RBFOX1: variants seen among roughly 807,000 people sequenced by gnomAD.
RBFOX1 encodes the protein RNA binding protein fox-1 homolog 1.
Under a neutral mutation model 57.7 loss-of-function variants are expected in RBFOX1, and 8 were observed. The observed-to-expected ratio is 0.14, with a 90% CI of 0.08 to 0.25. The LOEUF is 0.25. Ranked by LOEUF, RBFOX1 falls within the 10% of genes least tolerant of loss-of-function variation. The probability of loss-of-function intolerance (pLI) is 1.00; values close to 1 mark genes in which losing one functional copy is unlikely to be tolerated. For missense variants in RBFOX1, 611 were observed against 548.5 expected, an observed-to-expected ratio of 1.11 and a Z score of -1.14; for synonymous variants, 326 against 222.4, an observed-to-expected ratio of 1.47 and a Z score of -4.15.
chr16:5,608,937 A>T (rs753397440), intron 3 of RBFOX1, among the ~76,000 whole-genome samples: 1 of 152,220 alleles, frequency 6.6e-6, no homozygotes, highest in Non-Finnish European at 1.5e-5. Flanking sequence ...TACCCTTTAC[A>T]GAAATGGTCA....
intron 3 of RBFOX1, among the ~76,000 whole-genome samples, chr16:5,712,035 T>A (rs1174585393): frequency 6.6e-6 from 1 of 152,176 alleles, no homozygotes; most frequent in Non-Finnish European, 1.5e-5. Context: ...ACAATTATGA[T>A]GGAAGGGAAA....
chr16:6,933,938 C>T (rs571275566), intron 3 of RBFOX1, among the ~76,000 whole-genome samples: 1 of 152,246 alleles, frequency 6.6e-6, no homozygotes, highest in South Asian at 2.1e-4. Flanking sequence ...AAAACAACAA[C>T]ATGGTATTGA....
intron 1 of RBFOX1, among the ~76,000 whole-genome samples, chr16:6,099,805 C>A (rs2096283110): frequency 6.6e-6 from 1 of 152,310 alleles, no homozygotes; most frequent in Middle Eastern, 3.4e-3. Flanking sequence ...CTCCGGGCAT[C>A]CTTCCCTTTT....
At chr16:5,915,574 C>G (rs755275405) in intron 4 of RBFOX1, among the ~76,000 whole-genome samples, 9 of 152,050 alleles carry the variant, frequency 5.9e-5, no homozygotes, top group Non-Finnish European at 1.2e-4. Context: ...GCTCATGCCT[C>G]TAATCCCAGC....
chr16:6,206,268 C>G (rs946376623), intron 1 of RBFOX1, among the ~76,000 whole-genome samples: 3 of 152,010 alleles, frequency 2.0e-5, no homozygotes, highest in Non-Finnish European at 4.4e-5. Flanking sequence ...GTTGTGTGTG[C>G]TGTTCCTGTT....
At chr16:6,921,257 A>C (rs138146144) in intron 3 of RBFOX1, among the ~76,000 whole-genome samples, 3 of 152,318 alleles carry the variant, frequency 2.0e-5, no homozygotes, top group Admixed American at 6.5e-5. Context: ...TTGTTTTCTC[A>C]CAATGTCTAT....
chr16:5,905,053 T>C (rs2152191785), intron 4 of RBFOX1, among the ~76,000 whole-genome samples: 1 of 140,884 alleles, frequency 7.1e-6, no homozygotes, highest in East Asian at 2.2e-4. Flanking sequence ...TATGACTCCA[T>C]ATGACTGGTG....
intron 3 of RBFOX1, among the ~76,000 whole-genome samples, chr16:5,739,776 C>G (rs919008886): frequency 2.6e-5 from 4 of 152,266 alleles, no homozygotes; most frequent in African/African-American, 9.6e-5. Context: ...AGGGGAGCCA[C>G]TGCCCCACGT....
At chr16:7,013,161 G>T (rs2093732302) in intron 3 of RBFOX1, among the ~76,000 whole-genome samples, 1 of 152,202 alleles carries the variant, frequency 6.6e-6, no homozygotes, top group African/African-American at 2.4e-5. Flanking sequence ...AATTTGTGGT[G>T]TAATGCTCTG....
In RBFOX1 at chr16:6,966,833, A is replaced by G. The variant is rs374435330; in HGVS notation, c.-15-85224A>G. On this transcript the variant is annotated intron_variant, in intron 3 of 15. Coordinates refer to ENST00000550418, the MANE Select transcript of RBFOX1 (RefSeq NM_018723.4). ...TGTCTGTCTGTCTATCTATCTGTCTATCTATCTATCCATCCATCTATCCAC... is the reference window on the plus strand; with the variant it reads ...TGTCTGTCTGTCTATCTATCTGTCTGTCTATCTATCCATCCATCTATCCAC... Among the ~76,000 whole-genome samples the G allele has an allele frequency of 5.4e-3, 753 of 140,194 alleles. 4 individuals carry two copies. The highest frequency in any genetic ancestry group is 0.016 in the African/African-American group (597 of 36,664). The allele number at this position is 140,194 out of a possible 152,430, so 92.0% of individuals were successfully genotyped here.
intron 2 of RBFOX1, among the ~76,000 whole-genome samples, chr16:5,560,433 C>T (rs927665278): frequency 4.6e-5 from 7 of 152,078 alleles, no homozygotes; most frequent in African/African-American, 1.7e-4. Flanking sequence ...GGCTTCTCCC[C>T]GCACTCCGGT....
At chr16:6,584,605 A>G (rs1349875727) in intron 2 of RBFOX1, among the ~76,000 whole-genome samples, 1 of 151,784 alleles carries the variant, frequency 6.6e-6, no homozygotes, top group Non-Finnish European at 1.5e-5. Context: ...CTCACCTCAA[A>G]TGATCCACCT....
intron 1 of RBFOX1, among the ~76,000 whole-genome samples, chr16:5,412,868 A>G (rs1248913869): frequency 6.6e-6 from 1 of 152,160 alleles, no homozygotes; most frequent in East Asian, 1.9e-4. Flanking sequence ...TGAGCAGACA[A>G]CTGTGAGCAA....
rs112039178 is a variant in RBFOX1 at position 6,594,850 on chromosome 16, G to C, written c.-63-59753G>C. ...GTCGCCCAGGCTGGAGTGCAGTGGC[G>C]TGATCTCAGCTAACTGTAACCTCCG... On this transcript the variant is annotated intron_variant, in intron 2 of 15. Coordinates refer to ENST00000550418, the MANE Select transcript of RBFOX1 (RefSeq NM_018723.4). Among the ~76,000 whole-genome samples, 4 of 152,256 alleles carry C rather than the reference G, an allele frequency of 2.6e-5. No homozygotes were observed. The East Asian group carries it at 5.8e-4, about 22-fold the overall frequency.
chr16:7,479,251 G>T (rs1382133875), intron 4 of RBFOX1, among the ~76,000 whole-genome samples: 1 of 151,788 alleles, frequency 6.6e-6, no homozygotes, highest in African/African-American at 2.4e-5. Flanking sequence ...AGCCTCCCGA[G>T]TCGCTGGGAT....
chr16:7,429,123 T>A (rs1016695716), intron 4 of RBFOX1, among the ~76,000 whole-genome samples: 7 of 152,164 alleles, frequency 4.6e-5, no homozygotes, highest in Non-Finnish European at 8.8e-5. Context: ...TCGAGCGGCA[T>A]AAGGCTTTTC....
At chr16:6,824,239 C>T (rs4786940) in intron 3 of RBFOX1, among the ~76,000 whole-genome samples, 113,352 of 151,946 alleles carry the variant, frequency 0.75, 42,351 homozygotes, top group East Asian at 0.86. Flanking sequence ...ACTCCATCTC[C>T]ACTAAAAATA....
intron 3 of RBFOX1, among the ~76,000 whole-genome samples, chr16:6,773,017 TGA>T (rs2078629573): frequency 4.6e-5 from 6 of 131,194 alleles, no homozygotes; most frequent in Admixed American, 2.4e-4. Context: ...TGTGTGTGTG[TGA>T]TTGTATTTGT....
intron 3 of RBFOX1, among the ~76,000 whole-genome samples, chr16:5,813,337 G>T (rs1567574341): frequency 6.6e-6 from 1 of 152,118 alleles, no homozygotes; most frequent in Admixed American, 6.5e-5. Context: ...CAACCATTAT[G>T]GTTCCAGAAC....
Sources: allele counts gnomAD v4.1 joint callset (sites outside exome capture counted in the v4.1 genomes callset), GRCh38; gene constraint gnomAD v4.1.1; transcripts MANE v1.5; gene names NCBI Gene and HGNC (gene_info 2026-07-23, HGNC 2026-07-21).